SULT2B1: variants seen among roughly 807,000 people sequenced by gnomAD.
SULT2B1 encodes sulfotransferase 2B1.
Under a neutral mutation model 33.2 loss-of-function variants are expected in SULT2B1, and 16 were observed. That is an observed-to-expected ratio of 0.48 (90% CI 0.33 to 0.73). The LOEUF is 0.73. Ranked by LOEUF, SULT2B1 falls within the 30% of genes least tolerant of loss-of-function variation. SULT2B1 has a pLI of 0.02. For synonymous variants in SULT2B1, 186 were observed against 200.5 expected, an observed-to-expected ratio of 0.93 and a Z score of 0.61; for missense variants, 500 against 506.0, an observed-to-expected ratio of 0.99 and a Z score of 0.11.
At chr19:48,598,080 A>C (rs1973744548) in intron 6 of SULT2B1, among the ~76,000 whole-genome samples, 1 of 152,160 alleles carries the variant, frequency 6.6e-6, no homozygotes, top group African/African-American at 2.4e-5. Flanking sequence ...TTGCCACATA[A>C]GGTCACATAT....
intron 1 of SULT2B1, among the ~76,000 whole-genome samples, chr19:48,564,572 A>AAAG (rs1973221771): frequency 2.0e-5 from 3 of 147,000 alleles, no homozygotes; most frequent in African/African-American, 2.5e-5. Context: ...AAAAAAAAAA[A>AAAG]AAAGAAAGAA....
In SULT2B1 at chr19:48,587,355, C is replaced by T. The variant is rs777927515; in HGVS notation, c.341C>T (p.Pro114Leu). The part of the protein sequence containing the change: ...CETIVGAFSL[P>L]DQYSPRLMSS... The stretch of plus-strand genomic sequence containing the variant: ...ACCATTGTGGGTGCCTTCAGCCTCC[C>T]GGACCAGTACAGCCCCCGCCTCATG... Residue 114 changes from proline to leucine, a missense_variant, in exon 3 of 7, where the codon CCG (proline) becomes CTG (leucine). Coordinates refer to ENST00000201586, the MANE Select transcript of SULT2B1 (RefSeq NM_177973.2). 1.7e-5 allele frequency: 27 copies of T among 1,613,904 alleles called. No individual in the cohort carries two copies. Among genetic ancestry groups the T allele is most frequent in the Admixed American group, 3.3e-5 (2 of 59,938 alleles).
intron 2 of SULT2B1, among the ~76,000 whole-genome samples, chr19:48,581,029 C>CTTTTTTTTTTTTTTT (rs57093444): frequency 1.5e-5 from 1 of 65,096 alleles, no homozygotes; most frequent in Non-Finnish European, 2.6e-5. Context: ...ATATATATTC[C>CTTTTTTTTTTTTTTT]TTTTTTTTTT....
rs1285107475 is a variant in SULT2B1 at position 48,591,651 on chromosome 19, C to G, written c.466C>G (p.Leu156Val). ...GRNPRDVVVSLYHYSKIAGQL... is the reference protein window; with the variant it reads ...GRNPRDVVVSVYHYSKIAGQL... Reference sequence around the variant, plus strand: ...CAACCCCCGGGACGTTGTGGTCTCCCTCTATCATTACTCCAAGATCGCCGG... The same window carrying G: ...CAACCCCCGGGACGTTGTGGTCTCCGTCTATCATTACTCCAAGATCGCCGG... The change falls in exon 4 of 7, where the codon CTC becomes GTC. Residue 156 changes from leucine (L) to valine (V), a missense_variant. By Grantham distance (32) the Leu-to-Val change is conservative. Coordinates refer to ENST00000201586, the MANE Select transcript of SULT2B1 (RefSeq NM_177973.2). 3 of 1,613,612 alleles carry G rather than the reference C, an allele frequency of 1.9e-6. No homozygotes were observed. Among genetic ancestry groups the G allele is most frequent in the Non-Finnish European group, 2.5e-6 (3 of 1,179,740 alleles).
intron 1 of SULT2B1, among the ~76,000 whole-genome samples, chr19:48,573,002 C>T (rs1431020357): frequency 6.6e-6 from 1 of 151,820 alleles, no homozygotes; most frequent in Admixed American, 6.6e-5. Flanking sequence ...ACTAAAAATA[C>T]AAAAATCAGT....
chr19:48,579,237 T>G (rs1055630799), intron 2 of SULT2B1, among the ~76,000 whole-genome samples: 6 of 152,134 alleles, frequency 3.9e-5, no homozygotes, highest in Admixed American at 1.3e-4. Flanking sequence ...ATTTCCACTC[T>G]GGGGCTTATT....
Position 48,562,743 on chromosome 19 carries a change from G to A in SULT2B1, c.71+10420G>A, listed in dbSNP as rs186977065. Among the ~76,000 whole-genome samples the A allele has an allele frequency of 5.3e-3, 809 of 151,948 alleles. 7 individuals carry two copies. Among genetic ancestry groups the A allele is most frequent in the African/African-American group, 0.018 (757 of 41,440 alleles). On this transcript the variant is annotated intron_variant, in intron 1 of 6. Coordinates refer to ENST00000201586, the MANE Select transcript of SULT2B1 (RefSeq NM_177973.2). ...CACCCAATCCAGAGTGCAGTGGCGC[G>A]ATCTCAGCTCATTGCAACCACTGCC...
intron 2 of SULT2B1, among the ~76,000 whole-genome samples, chr19:48,580,382 C>G (rs1183946423): frequency 1.3e-5 from 2 of 152,022 alleles, no homozygotes; most frequent in Non-Finnish European, 2.9e-5. Flanking sequence ...GCCTCAGCCT[C>G]CGGAGTAGCT....
Position 48,591,664 on chromosome 19 carries a change from C to G in SULT2B1, c.479C>G (p.Ser160Cys). Residue 160 changes from serine to cysteine, a missense_variant, in exon 4 of 7, where the codon TCC becomes TGC. Ser to Cys is a moderately radical substitution (Grantham distance 112). Coordinates refer to ENST00000201586, the MANE Select transcript of SULT2B1 (RefSeq NM_177973.2). ...RDVVVSLYHY[S>C]KIAGQLKDPG... ...GTTGTGGTCTCCCTCTATCATTACT[C>G]CAAGATCGCCGGGCAGTTAAAGGAC... 1 of 1,613,622 alleles carries G rather than the reference C, an allele frequency of 6.2e-7. No homozygotes were observed. Among genetic ancestry groups the G allele is most frequent in the Non-Finnish European group, 8.5e-7 (1 of 1,179,762 alleles).
chr19:48,589,347 C>G (rs1287625176), intron 3 of SULT2B1, among the ~76,000 whole-genome samples: 5 of 152,050 alleles, frequency 3.3e-5, no homozygotes, highest in Admixed American at 6.6e-5. Context: ...GAGGAAGACA[C>G]GGGCTCTGCG....
chr19:48,553,034 C>T (rs185784824), intron 1 of SULT2B1, among the ~76,000 whole-genome samples: 1 of 152,290 alleles, frequency 6.6e-6, no homozygotes, highest in African/African-American at 2.4e-5. Context: ...ACGCCAGAGC[C>T]TGTGGTTTCT....
chr19:48,596,900 C>T lies in SULT2B1; in HGVS notation c.807C>T (p.Arg269=), dbSNP rs140730805. ...LLPPSLLDHR[R]GAFLRKGVCG... Reference sequence around the variant, plus strand: ...CTCCCAGCCTGCTGGACCACCGTCGCGGGGCCTTCCTCCGGAAAGGTGCGG... The same window carrying T: ...CTCCCAGCCTGCTGGACCACCGTCGTGGGGCCTTCCTCCGGAAAGGTGCGG... Residue 269 remains arginine (R), a synonymous_variant, in exon 6 of 7, where the codon CGC becomes CGT. Transcript: ENST00000201586. 63 of 1,599,202 alleles carry T rather than the reference C, an allele frequency of 3.9e-5. No homozygotes were observed. Among genetic ancestry groups the T allele is most frequent in the South Asian group, 1.1e-4 (10 of 89,830 alleles).
chr19:48,591,569 G>A (rs761886055), intron 3 of SULT2B1, 40 bp from the exon 4 acceptor site: 5 of 1,589,030 alleles, frequency 3.1e-6, no homozygotes, highest in African/African-American at 1.3e-5. Flanking sequence ...TCTTGCCTGT[G>A]TCTGACGCCT....
chr19:48,558,557 G>A (rs1973133576), intron 1 of SULT2B1, among the ~76,000 whole-genome samples: 1 of 152,178 alleles, frequency 6.6e-6, no homozygotes, highest in Non-Finnish European at 1.5e-5. Context: ...GGGCGAGGAG[G>A]GGCCAGCTCT....
chr19:48,562,021 A>C (rs934474219), intron 1 of SULT2B1, among the ~76,000 whole-genome samples: 18 of 152,176 alleles, frequency 1.2e-4, no homozygotes, highest in Admixed American at 9.8e-4. Context: ...AGGCCAAGGC[A>C]GGAGGATCAC....
chr19:48,552,226 T>C lies in SULT2B1; in HGVS notation c.-27T>C, dbSNP rs774267096. ...TGTGCCGCCTGCTCCCTGCTCGTCC[T>C]CCCCTCCCCACCCTCACCCACCTGC... On this transcript the variant is annotated 5_prime_UTR_variant, in exon 1 of 7. Transcript: ENST00000201586. This position sits in a 1 kb window ranked among gnomAD's most constrained non-coding sequence, Gnocchi z 4.8. 3 of 1,609,668 alleles carry C rather than the reference T, an allele frequency of 1.9e-6. No individual in the cohort carries two copies. The African/African-American group carries it at 4.0e-5, about 22-fold the overall frequency.
chr19:48,571,465 G>C (rs990183485), intron 1 of SULT2B1, among the ~76,000 whole-genome samples: 9 of 152,046 alleles, frequency 5.9e-5, no homozygotes, highest in African/African-American at 2.2e-4. Flanking sequence ...CCAAAGTGCT[G>C]GGATTACAGG....
chr19:48,576,721 C>T (rs1361180187), intron 2 of SULT2B1, among the ~76,000 whole-genome samples: 2 of 148,568 alleles, frequency 1.3e-5, no homozygotes, highest in Non-Finnish European at 3.0e-5. Flanking sequence ...CTCATTTCAG[C>T]CTTGACCTCC....
chr19:48,563,205 C>A (rs769355637), intron 1 of SULT2B1, among the ~76,000 whole-genome samples: 37 of 151,882 alleles, frequency 2.4e-4, no homozygotes, highest in Non-Finnish European at 4.6e-4. Flanking sequence ...GACTGAGCCA[C>A]CGCACCCAGC....
Sources: allele counts gnomAD v4.1 joint callset (sites outside exome capture counted in the v4.1 genomes callset), GRCh38; gene constraint gnomAD v4.1.1; non-coding constraint Gnocchi (gnomAD v3.1); transcripts MANE v1.5; gene names NCBI Gene and HGNC (gene_info 2026-07-23, HGNC 2026-07-21).